The following TLK2 variants were observed in gnomAD, a reference collection of about 807,000 sequenced individuals.
TLK2 encodes the protein serine/threonine-protein kinase tousled-like 2.
TLK2 carries 6 observed loss-of-function variants against 117.3 expected under a neutral mutation model. The ratio of observed to expected loss-of-function variants is 0.05; its 90% confidence interval spans 0.03 to 0.10. TLK2 has a LOEUF of 0.10. Ranked by LOEUF, TLK2 falls within the 10% of genes least tolerant of loss-of-function variation. The pLI, the probability that TLK2 is intolerant of heterozygous loss-of-function variation, is 1.00. For synonymous variants in TLK2, 257 were observed against 316.7 expected (o/e 0.81, Z 2.00); for missense variants, 299 against 901.2 (o/e 0.33, Z 8.56).
At chr17:62,477,698 G>C (rs1170237665), upstream of TLK2, 1 of 152,228 alleles carries the variant, frequency 6.6e-6, no homozygotes, top group African/African-American at 2.4e-5. Context: ...AAATTATAAG[G>C]TGGGTGGCTG....
At chr17:62,479,753 T>G (rs940588638) in intron 1 of TLK2, among the ~76,000 whole-genome samples, 2 of 152,214 alleles carry the variant, frequency 1.3e-5, no homozygotes, top group African/African-American at 4.8e-5. Context: ...GGCTATTTCC[T>G]TAACATGAGT....
chr17:62,523,879 C>T (rs1445002948), intron 5 of TLK2, among the ~76,000 whole-genome samples: 4 of 152,208 alleles, frequency 2.6e-5, no homozygotes, highest in Non-Finnish European at 4.4e-5. Context: ...CCTGACCCAT[C>T]GTTAGTGGTT....
At chr17:62,572,754 T>C (rs894265356) in intron 11 of TLK2, 4 of 152,978 alleles carry the variant, frequency 2.6e-5, no homozygotes, top group African/African-American at 9.6e-5. Context: ...TTGTTTACTT[T>C]CTTTAGCATC....
chr17:62,551,689 A>G (rs1258716272), intron 7 of TLK2: 1 of 151,172 alleles, frequency 6.6e-6, no homozygotes, highest in Non-Finnish European at 1.5e-5. Flanking sequence ...TGGGTGACAG[A>G]GCAAGACTAC....
At chr17:62,492,751 G>A (rs775610539) in intron 2 of TLK2, among the ~76,000 whole-genome samples, 25 of 151,962 alleles carry the variant, frequency 1.6e-4, no homozygotes, top group Non-Finnish European at 3.5e-4. Context: ...GAGCCACTGC[G>A]CCTGGCCCAG....
intron 11 of TLK2, chr17:62,572,776 G>A (rs2080415994): frequency 6.5e-6 from 1 of 153,304 alleles, no homozygotes; most frequent in Non-Finnish European, 1.5e-5. Context: ...TACAAACTTG[G>A]TATCTTTTTA....
At chr17:62,564,103 A>T (rs2146420014) in intron 10 of TLK2, among the ~76,000 whole-genome samples, 1 of 152,314 alleles carries the variant, frequency 6.6e-6, no homozygotes, top group South Asian at 2.1e-4. Flanking sequence ...GAACTCTAAG[A>T]TTAAAAACAT....
At chr17:62,565,231 G>T (rs2079655867) in intron 11 of TLK2, 94 bp downstream of exon 11, 8 of 1,444,494 alleles carry the variant, frequency 5.5e-6, no homozygotes, top group South Asian at 1.4e-5. Context: ...TCCTACTATT[G>T]GTAGTCATCT....
intron 2 of TLK2, among the ~76,000 whole-genome samples, chr17:62,512,894 T>C (rs1002399193): frequency 6.8e-6 from 1 of 147,816 alleles, no homozygotes; most frequent in African/African-American, 2.5e-5. Flanking sequence ...TTATTATTAT[T>C]AGAGACGAAG....
intron 2 of TLK2, among the ~76,000 whole-genome samples, chr17:62,501,010 G>C (rs1429527053): frequency 2.0e-5 from 3 of 152,080 alleles, no homozygotes; most frequent in Non-Finnish European, 2.9e-5. Flanking sequence ...AGGCCGAAGT[G>C]GGCGGATCAC....
chr17:62,570,442 G>A (rs1268132300), intron 11 of TLK2, among the ~76,000 whole-genome samples: 1 of 152,176 alleles, frequency 6.6e-6, no homozygotes, highest in East Asian at 1.9e-4. Context: ...GAAAGGCACT[G>A]TTAATGCATG....
At chr17:62,515,004 T>G (rs1406776764) in intron 2 of TLK2, among the ~76,000 whole-genome samples, 1 of 152,222 alleles carries the variant, frequency 6.6e-6, no homozygotes, top group Non-Finnish European at 1.5e-5. Context: ...AAAACTGAAA[T>G]GCCCATTAAA....
chr17:62,501,420 A>C (rs2074184524), intron 2 of TLK2, among the ~76,000 whole-genome samples: 1 of 152,052 alleles, frequency 6.6e-6, no homozygotes, highest in Non-Finnish European at 1.5e-5. Context: ...GAGAAATAAT[A>C]AAGAGCTAAA....
intron 19 of TLK2, among the ~76,000 whole-genome samples, chr17:62,605,372 A>ACTTT (rs1320520842): frequency 1.1e-4 from 17 of 152,110 alleles, no homozygotes; most frequent in African/African-American, 4.1e-4. Flanking sequence ...TGCCTCCCTA[A>ACTTT]GTTAGAGTGT....
chr17:62,525,927 G>C (rs2076340636), intron 6 of TLK2, among the ~76,000 whole-genome samples: 1 of 152,218 alleles, frequency 6.6e-6, no homozygotes, highest in South Asian at 2.1e-4. Context: ...ATTTGGGACA[G>C]ATACGTTTTG....
chr17:62,525,116 G>C (rs1022128288), intron 6 of TLK2, among the ~76,000 whole-genome samples: 1 of 152,200 alleles, frequency 6.6e-6, no homozygotes, highest in African/African-American at 2.4e-5. Context: ...TTACTCAAGA[G>C]TGTGCTCTAT....
Position 62,522,278 on chromosome 17 carries a change from T to C in TLK2, c.223+5T>C. Reference sequence around the variant, plus strand: ...AACCATATGAAACTAGCCAAGGTAGTAATAATTTCGTATCAACAAAAGTAC... The same window carrying C: ...AACCATATGAAACTAGCCAAGGTAGCAATAATTTCGTATCAACAAAAGTAC... On this transcript the variant is annotated splice_donor_5th_base_variant and intron_variant, in intron 4 of 21. Coordinates refer to ENST00000346027, the MANE Select transcript of TLK2 (RefSeq NM_006852.6). 6.2e-7 allele frequency: 1 copy of C among 1,610,162 alleles called. No homozygotes were observed. Among genetic ancestry groups the C allele is most frequent in the South Asian group, 1.1e-5 (1 of 90,218 alleles).
chr17:62,490,805 A>G, intron 2 of TLK2, among the ~76,000 whole-genome samples: 1 of 152,100 alleles, frequency 6.6e-6, no homozygotes, highest in Non-Finnish European at 1.5e-5. Flanking sequence ...GCCTCCCAAA[A>G]TGCTGGGATT....
At chr17:62,472,608 C>T (rs919333670) in intron 1 of TLK2, among the ~76,000 whole-genome samples, 4 of 152,020 alleles carry the variant, frequency 2.6e-5, no homozygotes, top group African/African-American at 4.8e-5. Context: ...CGAGGTGGCA[C>T]GCGTCTGTAA....
Sources: allele counts gnomAD v4.1 joint callset (sites outside exome capture counted in the v4.1 genomes callset), GRCh38; gene constraint gnomAD v4.1.1; transcripts MANE v1.5; gene names NCBI Gene and HGNC (gene_info 2026-07-23, HGNC 2026-07-21).